Variants in METTL4 observed in about 807,000 individuals in gnomAD.
METTL4 encodes N(6)-adenine-specific methyltransferase METTL4.
METTL4 carries 40 observed loss-of-function variants against 54.0 expected under a neutral mutation model. That is an observed-to-expected ratio of 0.74 (90% CI 0.58 to 0.96). The LOEUF (loss-of-function observed/expected upper bound fraction) is 0.96, where lower values mean the gene tolerates loss of function less well. Ranked by LOEUF, METTL4 falls within the 50% of genes least tolerant of loss-of-function variation. The pLI is 0.00. For missense variants in METTL4, 525 were observed against 549.0 expected, an observed-to-expected ratio of 0.96 and a Z score of 0.44; for synonymous variants, 169 against 183.8, an observed-to-expected ratio of 0.92 and a Z score of 0.65.
rs763631825 is a variant in METTL4 at position 2,539,016 on chromosome 18, A to T, written c.1403T>A (p.Val468Glu). 14 of 1,613,786 alleles carry T rather than the reference A, an allele frequency of 8.7e-6. No individual in the cohort carries two copies. Among genetic ancestry groups the T allele is most frequent in the Non-Finnish European group, 1.2e-5 (14 of 1,179,922 alleles). Residue 468 changes from valine to glutamate, a missense_variant, in exon 9 of 9, where the codon GTG becomes GAG. Coordinates refer to ENST00000574538, the MANE Select transcript of METTL4 (RefSeq NM_022840.5). ...KFQHVDYFIA[V>E]ESGS is the part of the protein sequence containing the mutation. ...AGATCATAGTCAGCTTCCAGACTCC[A>T]CAGCAATAAAATAATCCACATGCTG...
Position 2,544,244 on chromosome 18 carries a change from T to G in METTL4, c.1224A>C (p.Leu408Phe), listed in dbSNP as rs2072036654. The G allele has an allele frequency of 6.2e-7, 1 of 1,613,608 alleles. No individual in the cohort carries two copies. The highest frequency in any genetic ancestry group is 1.3e-5 in the African/African-American group (1 of 75,022). Residue 408 changes from leucine to phenylalanine, a missense_variant, in exon 8 of 9, where the codon TTA becomes TTC. Transcript: ENST00000574538. ...VNVLPIPDHK[L>F]IVSVPCTLHS... Reference sequence around the variant, plus strand: ...GAAGAGTACAGGGCACGCTGACAATTAATTTGTGGTCTGGAATGGGGAGCA... The same window carrying G: ...GAAGAGTACAGGGCACGCTGACAATGAATTTGTGGTCTGGAATGGGGAGCA...
At chr18:2,564,927 C>T (rs1376974157) in intron 2 of METTL4, among the ~76,000 whole-genome samples, 1 of 152,200 alleles carries the variant, frequency 6.6e-6, no homozygotes, top group South Asian at 2.1e-4. Flanking sequence ...ACTAAGACCT[C>T]GGACAATGCT....
chr18:2,557,905 C>G (rs1164931663), intron 3 of METTL4, among the ~76,000 whole-genome samples: 1 of 152,174 alleles, frequency 6.6e-6, no homozygotes, highest in Non-Finnish European at 1.5e-5. Flanking sequence ...CAGTTCTTGA[C>G]AGGGGTACTG....
chr18:2,549,278 C>T (rs1476023552), intron 5 of METTL4, among the ~76,000 whole-genome samples: 1 of 152,180 alleles, frequency 6.6e-6, no homozygotes, highest in African/African-American at 2.4e-5. Flanking sequence ...CAATTATCCC[C>T]TCCTTCTCTA....
At chr18:2,546,247 A>G (rs1403068960) in intron 6 of METTL4, among the ~76,000 whole-genome samples, 8 of 152,280 alleles carry the variant, frequency 5.3e-5, no homozygotes, top group Non-Finnish European at 5.9e-5. Flanking sequence ...GGTCAACCAC[A>G]GTCCAGAGAT....
intron 3 of METTL4, among the ~76,000 whole-genome samples, chr18:2,559,611 T>C (rs750255647): frequency 6.6e-6 from 1 of 152,180 alleles, no homozygotes; most frequent in Non-Finnish European, 1.5e-5. Flanking sequence ...AACCACAAAT[T>C]ACTAATAAAA....
chr18:2,550,734 A>G (rs987907065), intron 5 of METTL4, among the ~76,000 whole-genome samples: 6 of 152,220 alleles, frequency 3.9e-5, no homozygotes, highest in African/African-American at 1.4e-4. Flanking sequence ...TCAGTCAAAG[A>G]AAGAGAGTCA....
intron 2 of METTL4, chr18:2,566,607 A>C (rs1376122199): frequency 2.5e-5 from 7 of 284,712 alleles, no homozygotes; most frequent in Non-Finnish European, 3.8e-5. Context: ...TTCCCAGCCA[A>C]CTTTGCTTAT....
At chr18:2,546,336 CTATTT>C (rs1310599927) in intron 6 of METTL4, among the ~76,000 whole-genome samples, 2 of 151,934 alleles carry the variant, frequency 1.3e-5, no homozygotes, top group East Asian at 3.9e-4. Flanking sequence ...CTATAATATT[CTATTT>C]TATTATTAGT....
At chr18:2,546,906 C>G (rs1419240186) in intron 6 of METTL4, among the ~76,000 whole-genome samples, 1 of 152,128 alleles carries the variant, frequency 6.6e-6, no homozygotes, top group Non-Finnish European at 1.5e-5. Flanking sequence ...CCCATCCCCT[C>G]TACAATGGGT....
intron 7 of METTL4, 52 bp from the exon 8 acceptor site, chr18:2,544,338 T>C (rs761205387): frequency 7.6e-6 from 10 of 1,320,284 alleles, no homozygotes; most frequent in African/African-American, 4.5e-5. Flanking sequence ...CAATTTTCTA[T>C]ACATAAGCCA....
chr18:2,540,922 A>G, intron 8 of METTL4: 1 of 985,276 alleles, frequency 1.0e-6, no homozygotes, highest in Non-Finnish European at 1.2e-6. Context: ...CTGAGCACCC[A>G]CTATAATCAG....
intron 3 of METTL4, among the ~76,000 whole-genome samples, chr18:2,556,969 G>C (rs2072248058): frequency 6.6e-6 from 1 of 152,136 alleles, no homozygotes; most frequent in Non-Finnish European, 1.5e-5. Flanking sequence ...GAACAACAAA[G>C]AGAAACAGTA....
intron 6 of METTL4, among the ~76,000 whole-genome samples, chr18:2,545,988 G>A (rs988271171): frequency 6.6e-6 from 1 of 152,004 alleles, no homozygotes; most frequent in Non-Finnish European, 1.5e-5. Context: ...TTCAAAAGGT[G>A]ACCTCCTCCT....
At chr18:2,542,792 G>C (rs993543563) in intron 8 of METTL4, among the ~76,000 whole-genome samples, 4 of 152,054 alleles carry the variant, frequency 2.6e-5, no homozygotes. Context: ...TGGATTATCA[G>C]GTAGACATCT....
At chr18:2,552,887 G>A (rs10502302) in intron 4 of METTL4, 123 bp from the exon 5 acceptor site, 237,046 of 628,238 alleles carry the variant, frequency 0.38, 48,611 homozygotes, top group East Asian at 0.62. Context: ...TGCACCAAAG[G>A]GATCTGTATA....
intron 3 of METTL4, among the ~76,000 whole-genome samples, chr18:2,555,654 T>C (rs1471464154): frequency 1.3e-5 from 2 of 152,078 alleles, no homozygotes; most frequent in African/African-American, 2.4e-5. Flanking sequence ...AACAAACATA[T>C]AAACAAAGTT....
intron 1 of METTL4, 115 bp from the exon 2 acceptor site, chr18:2,567,769 G>A (rs574148434): frequency 1.3e-5 from 2 of 152,332 alleles, no homozygotes; most frequent in South Asian, 2.1e-4. Context: ...GTAATCCCTC[G>A]TTTTTGCAAA....
At chr18:2,545,654 G>A (rs1397298904) in intron 6 of METTL4, among the ~76,000 whole-genome samples, 1 of 152,038 alleles carries the variant, frequency 6.6e-6, no homozygotes, top group Non-Finnish European at 1.5e-5. Flanking sequence ...TGATATCTGT[G>A]AAACTCTTTA....
Sources: allele counts gnomAD v4.1 joint callset (sites outside exome capture counted in the v4.1 genomes callset), GRCh38; gene constraint gnomAD v4.1.1; transcripts MANE v1.5; gene names NCBI Gene and HGNC (gene_info 2026-07-23, HGNC 2026-07-21).